The following JHY variants were observed in gnomAD, a reference collection of about 807,000 sequenced individuals.
The protein encoded by JHY is jhy protein homolog.
A neutral mutation model predicts 78.0 loss-of-function variants in JHY; 69 were observed. The ratio of observed to expected loss-of-function variants is 0.88; its 90% CI spans 0.73 to 1.08. The LOEUF is 1.08. JHY is among the 50% of genes least tolerant of loss of function. The pLI, the probability that JHY is intolerant of heterozygous loss-of-function variation, is 0.00. For missense variants in JHY, 944 were observed against 927.8 expected (o/e 1.02, Z -0.23); for synonymous variants, 368 against 342.6 (o/e 1.07, Z -0.82).
At chr11:122,892,961 C>T (rs1462435051) in intron 2 of JHY, among the ~76,000 whole-genome samples, 1 of 152,176 alleles carries the variant, frequency 6.6e-6, no homozygotes, top group Non-Finnish European at 1.5e-5. Flanking sequence ...GTCTAATATG[C>T]TAGGACTATT....
chr11:122,885,133 A>G (rs146814263), intron 1 of JHY, among the ~76,000 whole-genome samples: 367 of 152,192 alleles, frequency 2.4e-3, no homozygotes, highest in African/African-American at 7.3e-3. Context: ...GTTTTAAAAA[A>G]TACCGGATGA....
rs368162548 is a variant in JHY at position 122,956,590 on chromosome 11, A to C, written c.2010+14A>C. 7.1e-5 allele frequency: 114 copies of C among 1,610,796 alleles called. No homozygotes were observed. The highest frequency in any genetic ancestry group is 9.3e-6 in the Non-Finnish European group (11 of 1,177,660). On this transcript the variant is annotated intron_variant, in intron 7 of 8. Transcript: ENST00000227349. The stretch of plus-strand genomic sequence containing the variant: ...ATCAGAGACAAAGTGAGTGAGATGC[A>C]CATACAGTGTTTCCAGACCTGACTC...
At position 122,898,627 on chromosome 11, in the gene JHY, T is replaced by C. The variant is rs1454669985; in HGVS notation, c.345-5298T>C. On this transcript the variant is annotated intron_variant, in intron 2 of 8. Transcript: ENST00000227349. This position sits in a 1 kb window ranked among gnomAD's most constrained non-coding sequence, Gnocchi z 4.4. ...ACCTGTGAAAGGTGGCCAGCCCTGC[T>C]CTAAACAGTACAAAGTAGAGGATTA... Among the ~76,000 whole-genome samples, 1 of 152,202 alleles carries C rather than the reference T, an allele frequency of 6.6e-6. No individual in the cohort carries two copies. The highest frequency in any genetic ancestry group is 2.4e-5 in the African/African-American group (1 of 41,458).
chr11:122,915,171 G>A (rs1162428331), intron 3 of JHY, among the ~76,000 whole-genome samples: 1 of 152,080 alleles, frequency 6.6e-6, no homozygotes, highest in South Asian at 2.1e-4. Context: ...ATTCTATGCT[G>A]ACTTACACAG....
chr11:122,904,245 C>G lies in JHY; in HGVS notation c.665C>G (p.Ser222Trp), dbSNP rs199719433. The change falls in exon 3 of 9, where the codon TCG becomes TGG. Residue 222 changes from serine to tryptophan, a missense_variant. Physicochemically the swap from Ser to Trp is radical, Grantham distance 177. Coordinates refer to ENST00000227349, the MANE Select transcript of JHY (RefSeq NM_024806.4). ...AGCGACAGTGACCTGGAGGAGAAGTCGAGCAGCCTTTCTCCGTACGTGAAG... is the reference window on the plus strand; with the variant it reads ...AGCGACAGTGACCTGGAGGAGAAGTGGAGCAGCCTTTCTCCGTACGTGAAG... The part of the protein sequence containing the change: ...ELSDSDLEEK[S>W]SSLSPYVKSS... 4 of 1,614,098 alleles carry G rather than the reference C, an allele frequency of 2.5e-6. No homozygotes were observed. Among genetic ancestry groups the G allele is most frequent in the South Asian group, 1.1e-5 (1 of 91,084 alleles).
intron 6 of JHY, among the ~76,000 whole-genome samples, chr11:122,950,858 T>C (rs1335787322): frequency 6.6e-6 from 1 of 152,224 alleles, no homozygotes; most frequent in Non-Finnish European, 1.5e-5. Flanking sequence ...AATTGCTGCC[T>C]TCCCAGCCAT....
chr11:122,921,035 CA>C (rs759682121), intron 3 of JHY, among the ~76,000 whole-genome samples: 20,235 of 138,866 alleles, frequency 0.15, 1,375 homozygotes, highest in Non-Finnish European at 0.16. Context: ...GAATGGTTCA[CA>C]AAAAAAAAAA....
intron 5 of JHY, among the ~76,000 whole-genome samples, chr11:122,945,583 C>T (rs909958725): frequency 2.0e-5 from 3 of 152,154 alleles, no homozygotes; most frequent in Non-Finnish European, 2.9e-5. Flanking sequence ...TGTGAACTTA[C>T]ATTTAGCCAC....
At chr11:122,922,027 C>G (rs182244036) in intron 3 of JHY, among the ~76,000 whole-genome samples, 2 of 152,186 alleles carry the variant, frequency 1.3e-5, no homozygotes. Flanking sequence ...TAGTTCTAAG[C>G]TTTTCATTTT....
chr11:122,886,457 G>A (rs931936220), intron 2 of JHY, among the ~76,000 whole-genome samples: 8 of 152,176 alleles, frequency 5.3e-5, no homozygotes, highest in Middle Eastern at 3.4e-3. Flanking sequence ...AAGTGTCTCC[G>A]CACTAGGACC....
intron 3 of JHY, among the ~76,000 whole-genome samples, chr11:122,906,314 G>A (rs1267697908): frequency 4.6e-5 from 7 of 151,974 alleles, no homozygotes; most frequent in African/African-American, 1.5e-4. Flanking sequence ...CAGCCTCGGC[G>A]AGTAGCTGGG....
intron 2 of JHY, among the ~76,000 whole-genome samples, chr11:122,900,028 C>G (rs1591371959): frequency 1.3e-5 from 2 of 152,346 alleles, no homozygotes; most frequent in East Asian, 3.9e-4. Flanking sequence ...ACCTCCCCGT[C>G]AAAGCCCCAG....
In JHY at chr11:122,883,159, C is replaced by G. The variant is rs1432538887; in HGVS notation, c.-90+187C>G. Among the ~76,000 whole-genome samples the G allele has an allele frequency of 6.6e-6, 1 of 152,068 alleles. No homozygotes were observed. The highest frequency in any genetic ancestry group is 1.5e-5 in the Non-Finnish European group (1 of 68,000). ...AGGCCGCGACAAGGGGCTGGGGGGC[C>G]GCCATGCGAGGCTTCGGCGCCCGGG... On this transcript the variant is annotated intron_variant, in intron 1 of 8. Coordinates refer to ENST00000227349, the MANE Select transcript of JHY (RefSeq NM_024806.4). The surrounding 1 kb of genome is among the most constrained non-coding windows in gnomAD (Gnocchi z 4.4).
intron 7 of JHY, 107 bp from the exon 8 acceptor site, chr11:122,957,256 A>C: frequency 7.9e-7 from 1 of 1,271,988 alleles, no homozygotes; most frequent in Non-Finnish European, 1.0e-6. Flanking sequence ...GCTCCTGTAC[A>C]GCTGATAAGA....
chr11:122,901,278 A>C (rs1178663395), intron 2 of JHY, among the ~76,000 whole-genome samples: 1 of 152,236 alleles, frequency 6.6e-6, no homozygotes, highest in Non-Finnish European at 1.5e-5. Flanking sequence ...GTAGGACTGT[A>C]CATTTCTCTG....
At position 122,904,136 on chromosome 11, in the gene JHY, A is replaced by G. The variant is rs1212221125; in HGVS notation, c.556A>G (p.Ser186Gly). Reference sequence around the variant, plus strand: ...AGGCGAGCAGAAAGAGAGTCCACAGAGTGCAGCTTCTTTACTTGGTAGTGA... The same window carrying G: ...AGGCGAGCAGAAAGAGAGTCCACAGGGTGCAGCTTCTTTACTTGGTAGTGA... ...GKGEQKESPQSAASLLGSEFL... is the reference protein window; with the variant it reads ...GKGEQKESPQGAASLLGSEFL... The change falls in exon 3 of 9, where the codon AGT becomes GGT. Residue 186 changes from serine to glycine, a missense_variant. Physicochemically the swap from Ser to Gly is moderately conservative, Grantham distance 56. Transcript: ENST00000227349. 6.2e-7 allele frequency: 1 copy of G among 1,614,154 alleles called. No homozygotes were observed. Among genetic ancestry groups the G allele is most frequent in the Non-Finnish European group, 8.5e-7 (1 of 1,180,034 alleles).
chr11:122,926,194 AAAAAAAAAAAAAG>A (rs1157781825), intron 4 of JHY, among the ~76,000 whole-genome samples: 2 of 90,436 alleles, frequency 2.2e-5, no homozygotes, highest in Non-Finnish European at 6.0e-5. Context: ...TCTCAAAAAA[AAAAAAAAAAAAAG>A]AAAAAAGAAA....
At position 122,904,288 on chromosome 11, in the gene JHY, C is replaced by G. The variant is rs768190302; in HGVS notation, c.708C>G (p.Asn236Lys). The G allele has an allele frequency of 1.9e-6, 3 of 1,614,004 alleles. No individual in the cohort carries two copies. The highest frequency in any genetic ancestry group is 1.7e-6 in the Non-Finnish European group (2 of 1,180,018). Residue 236 changes from asparagine (N) to lysine (K), a missense_variant, in exon 3 of 9, where the codon AAC (asparagine) becomes AAG (lysine). Physicochemically the swap from Asn to Lys is moderately conservative, Grantham distance 94. Transcript: ENST00000227349. ...SPYVKSSSSH[N>K]EVFLPGSRGP... ...ACGTGAAGAGCTCAAGTTCACATAA[C>G]GAGGTTTTCCTGCCGGGATCACGTG...
In JHY at chr11:122,886,092, A is replaced by T; in HGVS notation, c.243A>T (p.Arg81=). ...PDSLDEEESP[R]WGSLHEMEEE... ...GCTTAGACGAGGAGGAAAGCCCTCG[A>T]TGGGGAAGCCTGCACGAGATGGAAG... Residue 81 remains arginine (R), a synonymous_variant, in exon 2 of 9, where the codon CGA becomes CGT. Transcript: ENST00000227349. 1 of 1,614,190 alleles carries T rather than the reference A, an allele frequency of 6.2e-7. No individual in the cohort carries two copies. Among genetic ancestry groups the T allele is most frequent in the African/African-American group, 1.3e-5 (1 of 75,054 alleles).
Sources: allele counts gnomAD v4.1 joint callset (sites outside exome capture counted in the v4.1 genomes callset), GRCh38; gene constraint gnomAD v4.1.1; non-coding constraint Gnocchi (gnomAD v3.1); transcripts MANE v1.5; gene names NCBI Gene and HGNC (gene_info 2026-07-23, HGNC 2026-07-21).